LZTS1: variants seen among roughly 807,000 people sequenced by gnomAD.
LZTS1 encodes leucine zipper tumor suppressor 1, also known as leucine zipper putative tumor suppressor 1.
Under a neutral mutation model 45.8 loss-of-function variants are expected in LZTS1, and 31 were observed. That is an observed-to-expected ratio of 0.68 (90% CI 0.51 to 0.91). The LOEUF (loss-of-function observed/expected upper bound fraction) is 0.91. Among genes scored for constraint, LZTS1 ranks in the 40% least tolerant of loss-of-function variants. The pLI is 0.00. For synonymous variants in LZTS1, 359 were observed against 357.3 expected (o/e 1.00, Z -0.05); for missense variants, 821 against 788.9 (o/e 1.04, Z -0.49).
chr8:20,254,872 G>T lies in LZTS1; in HGVS notation c.310C>A (p.Pro104Thr), dbSNP rs200437710. 3 of 1,613,544 alleles carry T rather than the reference G, an allele frequency of 1.9e-6. No individual in the cohort carries two copies. The Admixed American group carries it at 5.0e-5, about 27-fold the overall frequency. Residue 104 changes from proline to threonine, a missense_variant, in exon 2 of 4, where the codon CCC (proline) becomes ACC (threonine). Coordinates refer to ENST00000381569, the MANE Select transcript of LZTS1 (RefSeq NM_021020.5). ...AGVDFDPSTP[P>T]KLMPFSNQLE... Reference sequence around the variant, plus strand: ...TGATTGGAGAAGGGCATGAGCTTGGGGGGTGTGGACGGGTCAAAGTCCACC... The same window carrying T: ...TGATTGGAGAAGGGCATGAGCTTGGTGGGTGTGGACGGGTCAAAGTCCACC...
chr8:20,251,407 C>A (rs978574824), intron 3 of LZTS1, among the ~76,000 whole-genome samples: 14 of 151,956 alleles, frequency 9.2e-5, no homozygotes, highest in African/African-American at 3.4e-4. Flanking sequence ...CAGTGTTTCA[C>A]TGAGGGCAAG....
At chr8:20,286,741 A>G (rs1032769979) in intron 1 of LZTS1, among the ~76,000 whole-genome samples, 2 of 152,234 alleles carry the variant, frequency 1.3e-5, no homozygotes, top group African/African-American at 4.8e-5. Context: ...CTAAATGCCT[A>G]TGCACAGTAG....
intron 1 of LZTS1, among the ~76,000 whole-genome samples, chr8:20,256,348 G>T (rs960074432): frequency 6.6e-6 from 1 of 152,204 alleles, no homozygotes; most frequent in East Asian, 1.9e-4. Context: ...GAGACAAGGA[G>T]CCCCTGGATG....
chr8:20,298,291 A>T (rs1305464150), intron 1 of LZTS1, among the ~76,000 whole-genome samples: 3 of 151,972 alleles, frequency 2.0e-5, no homozygotes, highest in Non-Finnish European at 2.9e-5. Flanking sequence ...TGAACTCCTG[A>T]CCTCAGATGA....
chr8:20,280,215 C>G (rs1418578538), intron 1 of LZTS1, among the ~76,000 whole-genome samples: 2 of 152,160 alleles, frequency 1.3e-5, no homozygotes, highest in Non-Finnish European at 2.9e-5. Flanking sequence ...CCCTGATCTT[C>G]TTAGAGTAGC....
chr8:20,283,507 T>A (rs1800734225), intron 1 of LZTS1, among the ~76,000 whole-genome samples: 1 of 152,120 alleles, frequency 6.6e-6, no homozygotes. Flanking sequence ...TTCATGGTAT[T>A]TTTTTATAGC....
At chr8:20,292,646 G>A (rs1229654671) in intron 1 of LZTS1, among the ~76,000 whole-genome samples, 1 of 152,152 alleles carries the variant, frequency 6.6e-6, no homozygotes, top group Non-Finnish European at 1.5e-5. Flanking sequence ...TTTGATTGGG[G>A]TAGGGAGGAA....
intron 1 of LZTS1, among the ~76,000 whole-genome samples, chr8:20,263,705 G>A (rs534991041): frequency 6.6e-6 from 1 of 152,138 alleles, no homozygotes. Context: ...AGAGGTGGGC[G>A]GACCTTAGAC....
intron 1 of LZTS1, among the ~76,000 whole-genome samples, chr8:20,270,005 G>A (rs1800440080): frequency 1.3e-5 from 2 of 152,214 alleles, no homozygotes; most frequent in Admixed American, 1.3e-4. Flanking sequence ...GCATTACAGA[G>A]GTACCCACCT....
chr8:20,253,147 T>C lies in LZTS1; in HGVS notation c.784A>G (p.Ser262Gly), dbSNP rs1298045325. ...VRSPISTDEC[S>G]IQELEQKLLE... ...AGCTTCTGCTCCAGCTCCTGGATGCTGCACTCGTCCGTGGAGATGGGGGAG... is the reference window on the plus strand; with the variant it reads ...AGCTTCTGCTCCAGCTCCTGGATGCCGCACTCGTCCGTGGAGATGGGGGAG... The change falls in exon 3 of 4, where the codon AGC (serine) becomes GGC (glycine). Residue 262 changes from serine to glycine, a missense_variant. Ser to Gly is a moderately conservative substitution (Grantham distance 56). Transcript: ENST00000381569. The C allele has an allele frequency of 6.2e-7, 1 of 1,613,224 alleles. No individual in the cohort carries two copies. Among genetic ancestry groups the C allele is most frequent in the Non-Finnish European group, 8.5e-7 (1 of 1,180,004 alleles).
intron 1 of LZTS1, among the ~76,000 whole-genome samples, chr8:20,299,319 C>T (rs1801031839): frequency 6.6e-6 from 1 of 152,246 alleles, no homozygotes. Context: ...CACCTCCTCC[C>T]TGGTAAGGAA....
At chr8:20,302,827 G>A (rs766687682) in intron 1 of LZTS1, among the ~76,000 whole-genome samples, 1 of 152,178 alleles carries the variant, frequency 6.6e-6, no homozygotes, top group Non-Finnish European at 1.5e-5. Flanking sequence ...CAAGTCTGGA[G>A]CACTTTCCCA....
intron 1 of LZTS1, among the ~76,000 whole-genome samples, chr8:20,265,436 G>C (rs114394012): frequency 0.045 from 6,765 of 151,990 alleles, 292 homozygotes; most frequent in African/African-American, 0.11. Flanking sequence ...GAGGCCAAGG[G>C]AGGAGGATGG....
chr8:20,285,848 T>A (rs745530627), intron 1 of LZTS1, among the ~76,000 whole-genome samples: 1 of 152,092 alleles, frequency 6.6e-6, no homozygotes, highest in Non-Finnish European at 1.5e-5. Context: ...TGGAACCAAA[T>A]AGAATTCAGA....
chr8:20,285,160 G>T (rs1044069446), intron 1 of LZTS1, among the ~76,000 whole-genome samples: 10 of 152,206 alleles, frequency 6.6e-5, no homozygotes, highest in Non-Finnish European at 1.5e-5. Flanking sequence ...TCTGCAAGAT[G>T]GATTTCTTGT....
chr8:20,267,014 C>A (rs979267480), intron 1 of LZTS1, among the ~76,000 whole-genome samples: 1 of 149,274 alleles, frequency 6.7e-6, no homozygotes, highest in East Asian at 2.0e-4. Flanking sequence ...AGGCTGAGGC[C>A]GAGGAATCAC....
intron 1 of LZTS1, among the ~76,000 whole-genome samples, chr8:20,294,054 A>T (rs1200780970): frequency 6.6e-6 from 1 of 152,102 alleles, no homozygotes; most frequent in Admixed American, 6.6e-5. Flanking sequence ...AGACAGGGAG[A>T]GGATATGGAT....
chr8:20,250,098 TCCA>T lies in LZTS1; in HGVS notation c.1412_1414del (p.Leu471_Glu472delinsGln). The T allele has an allele frequency of 6.2e-7, 1 of 1,607,120 alleles. No homozygotes were observed. Among genetic ancestry groups the T allele is most frequent in the Non-Finnish European group, 8.5e-7 (1 of 1,179,366 alleles). ...GGCCCGCAGCTCCTGCAGCTCCTGC[TCCA>T]GCAGGTTCACCTTCTCCCGCAGCAG... is the stretch of plus-strand genomic sequence containing the variant. On this transcript the variant is annotated inframe_deletion, in exon 4 of 4. Coordinates refer to ENST00000381569, the MANE Select transcript of LZTS1 (RefSeq NM_021020.5).
In LZTS1 at chr8:20,253,505, C is replaced by T. The variant is rs141146887; in HGVS notation, c.426G>A (p.Pro142=). 1.1e-5 allele frequency: 18 copies of T among 1,576,346 alleles called. No homozygotes were observed. Among genetic ancestry groups the T allele is most frequent in the East Asian group, 4.6e-5 (2 of 43,828 alleles). ...GGTGCAGCTGGTGGCTGGCACTCTC[C>T]GGGGAGGAGTGCAGGATGGCTCCTG... ...PRSGAILHSS[P]ESASHQLHPA... is the part of the protein sequence containing the mutation. Residue 142 remains proline, a synonymous_variant, in exon 3 of 4, where the codon CCG becomes CCA. Transcript: ENST00000381569.
Sources: gnomAD v4.1 joint callset for allele counts (sites outside exome capture counted in the v4.1 genomes callset) on GRCh38, gnomAD v4.1.1 for gene constraint, MANE v1.5 for transcripts, NCBI Gene and HGNC (gene_info 2026-07-23, HGNC 2026-07-21) for gene names.